PHKB: variants seen among roughly 807,000 people sequenced by gnomAD.
PHKB encodes the protein phosphorylase kinase regulatory subunit beta.
Under a neutral mutation model 152.1 loss-of-function variants are expected in PHKB, and 122 were observed. The ratio of observed to expected loss-of-function variants is 0.80; its 90% confidence interval spans 0.69 to 0.93. PHKB has a LOEUF of 0.93. PHKB is among the 40% of genes least tolerant of loss of function. The probability of loss-of-function intolerance (pLI) is 0.00; values close to 1 mark genes in which losing one functional copy is unlikely to be tolerated. For missense variants in PHKB, 1,304 were observed against 1,328.4 expected (o/e 0.98, Z 0.29); for synonymous variants, 436 against 464.9 (o/e 0.94, Z 0.80).
At chr16:47,649,342 C>A in intron 18 of PHKB, 138 bp downstream of exon 18, 1 of 701,118 alleles carries the variant, frequency 1.4e-6, no homozygotes, top group South Asian at 1.5e-5. Flanking sequence ...AAACCACCTG[C>A]ATAGCTTTGG....
Position 47,698,701 on chromosome 16 carries a change from G to A in PHKB, c.3144+113G>A, listed in dbSNP as rs1974197838. ...TACTTTATAAAACAGATTCACAGGTGCAAAATAGGATACTTGAGGGGCAGT... is the reference window on the plus strand; with the variant it reads ...TACTTTATAAAACAGATTCACAGGTACAAAATAGGATACTTGAGGGGCAGT... On this transcript the variant is annotated intron_variant, in intron 30 of 30. Coordinates refer to ENST00000323584, the MANE Select transcript of PHKB (RefSeq NM_000293.3). 9 of 949,744 alleles carry A rather than the reference G, an allele frequency of 9.5e-6. No homozygotes were observed. The South Asian group carries it at 1.3e-4, about 14-fold the overall frequency. The allele number at this position is 949,744 out of a possible 1,614,324, so 58.8% of individuals were successfully genotyped here.
chr16:47,681,725 A>G (rs1264850977), intron 26 of PHKB, among the ~76,000 whole-genome samples: 2 of 151,990 alleles, frequency 1.3e-5, no homozygotes, highest in South Asian at 2.1e-4. Flanking sequence ...CCTTTATCCA[A>G]TTTGCCAGTC....
intron 26 of PHKB, among the ~76,000 whole-genome samples, chr16:47,683,496 T>TGA: frequency 6.6e-6 from 1 of 152,298 alleles, no homozygotes; most frequent in East Asian, 1.9e-4. Context: ...GCTGCCGCCT[T>TGA]GCAGTTTGAT....
chr16:47,535,634 T>G (rs1970939355), intron 6 of PHKB, among the ~76,000 whole-genome samples: 1 of 152,238 alleles, frequency 6.6e-6, no homozygotes. Context: ...TCCCGCTCTA[T>G]CTCTAACTTG....
At chr16:47,677,480 T>A (rs1363286497) in intron 26 of PHKB, among the ~76,000 whole-genome samples, 1 of 152,230 alleles carries the variant, frequency 6.6e-6, no homozygotes, top group Non-Finnish European at 1.5e-5. Context: ...TCAGGGTCCC[T>A]GCCAATTTGG....
chr16:47,515,986 G>T (rs1027206767), intron 6 of PHKB, among the ~76,000 whole-genome samples: 1 of 150,446 alleles, frequency 6.6e-6, no homozygotes, highest in South Asian at 2.1e-4. Context: ...GGAGTGCAGT[G>T]GTATGATCTC....
At chr16:47,653,020 G>A in intron 20 of PHKB, among the ~76,000 whole-genome samples, 1 of 150,872 alleles carries the variant, frequency 6.6e-6, no homozygotes, top group African/African-American at 2.4e-5. Flanking sequence ...TTCTTCCTGT[G>A]TGTAGGAGAA....
At chr16:47,652,538 C>T (rs1023691045) in intron 20 of PHKB, among the ~76,000 whole-genome samples, 1 of 152,120 alleles carries the variant, frequency 6.6e-6, no homozygotes, top group African/African-American at 2.4e-5. Flanking sequence ...CTTTTCTCTA[C>T]AGCTTCACCA....
chr16:47,644,020 G>C (rs1037980096), intron 16 of PHKB, among the ~76,000 whole-genome samples: 1 of 152,016 alleles, frequency 6.6e-6, no homozygotes, highest in African/African-American at 2.4e-5. Context: ...ATGCACCCTG[G>C]AATGTGGGGA....
At position 47,698,397 on chromosome 16, in the gene PHKB, A is replaced by G. The variant is rs371687738; in HGVS notation, c.3004-51A>G. The G allele has an allele frequency of 2.9e-6, 4 of 1,388,874 alleles. No individual in the cohort carries two copies. In the African/African-American group the frequency reaches 4.3e-5, roughly 15 times the overall value. The allele number at this position is 1,388,874 out of a possible 1,614,324, so 86.0% of individuals were successfully genotyped here. A position where few individuals can be genotyped will look rare whatever the true frequency, so the allele number is the denominator to read the frequency against. ...ATCCATCTGATCAAAGGGTGAAAAC[A>G]TGTCACTATTATGGTTCATATAGTT... On this transcript the variant is annotated intron_variant, in intron 29 of 30. Transcript: ENST00000323584.
Position 47,572,591 on chromosome 16 carries a change from G to T in PHKB, c.711-7704G>T, listed in dbSNP as rs572425043. Among the ~76,000 whole-genome samples, 5 of 152,314 alleles carry T rather than the reference G, an allele frequency of 3.3e-5. No homozygotes were observed. The South Asian group carries it at 1.0e-3, about 32-fold the overall frequency. On this transcript the variant is annotated intron_variant, in intron 7 of 30. Coordinates refer to ENST00000323584, the MANE Select transcript of PHKB (RefSeq NM_000293.3). ...CCTACTCTTAGCTCCAGAGATGGGT[G>T]ATGTTGGGTGGAGCTGGGCAAGGCT...
At chr16:47,479,514 T>A (rs1181665011) in intron 1 of PHKB, among the ~76,000 whole-genome samples, 9 of 151,912 alleles carry the variant, frequency 5.9e-5, no homozygotes, top group Admixed American at 5.9e-4. Context: ...TGGATCTAAT[T>A]AAATTCAGAT....
At chr16:47,566,374 G>A (rs569183260) in intron 7 of PHKB, 1 of 1,503,604 alleles carries the variant, frequency 6.7e-7, no homozygotes, top group African/African-American at 1.4e-5. Context: ...TCTTTATCCT[G>A]TGCTTGATCA....
At chr16:47,678,960 A>T (rs1973791710) in intron 26 of PHKB, among the ~76,000 whole-genome samples, 2 of 152,192 alleles carry the variant, frequency 1.3e-5, no homozygotes, top group South Asian at 2.1e-4. Flanking sequence ...AGGTGTAAGG[A>T]AGGCATCAAG....
chr16:47,609,553 T>TTGTGTG (rs144647746), intron 13 of PHKB, among the ~76,000 whole-genome samples: 29 of 143,828 alleles, frequency 2.0e-4, no homozygotes, highest in Admixed American at 5.5e-4. Context: ...GTGTGTGTGT[T>TTGTGTG]TGTGTGTGTG....
intron 14 of PHKB, among the ~76,000 whole-genome samples, chr16:47,633,703 G>GT (rs1461362583): frequency 6.6e-6 from 1 of 152,192 alleles, no homozygotes; most frequent in Non-Finnish European, 1.5e-5. Flanking sequence ...TGAGTGAACT[G>GT]TTTTTTAGTG....
chr16:47,627,407 A>C (rs1346141818), intron 14 of PHKB, among the ~76,000 whole-genome samples: 1 of 152,226 alleles, frequency 6.6e-6, no homozygotes, highest in Non-Finnish European at 1.5e-5. Flanking sequence ...AGTACTTAGA[A>C]AGGGGTGAAA....
At chr16:47,566,337 T>C in intron 7 of PHKB, 1 of 1,362,376 alleles carries the variant, frequency 7.3e-7, no homozygotes, top group Admixed American at 1.7e-5. Flanking sequence ...CCCATTTCTA[T>C]CACAGCCAGA....
At chr16:47,673,761 T>C (rs150272158) in intron 26 of PHKB, among the ~76,000 whole-genome samples, 68 of 152,320 alleles carry the variant, frequency 4.5e-4, no homozygotes, top group African/African-American at 1.6e-3. Flanking sequence ...ATATCTGTTA[T>C]ATGCTAAGCA....
Sources: gnomAD v4.1 joint callset for allele counts (sites outside exome capture counted in the v4.1 genomes callset) on GRCh38, gnomAD v4.1.1 for gene constraint, MANE v1.5 for transcripts, NCBI Gene and HGNC (gene_info 2026-07-23, HGNC 2026-07-21) for gene names.